The following SLC5A9 variants were observed in gnomAD, a reference collection of about 807,000 sequenced individuals.
SLC5A9 encodes sodium/glucose cotransporter 4.
A neutral mutation model predicts 70.9 loss-of-function variants in SLC5A9; 59 were observed. The ratio of observed to expected loss-of-function variants is 0.83; its 90% CI spans 0.68 to 1.03. SLC5A9 has a LOEUF of 1.03. Ranked by LOEUF, SLC5A9 falls within the 50% of genes least tolerant of loss-of-function variation. The probability of loss-of-function intolerance (pLI) is 0.00; values close to 1 mark genes in which losing one functional copy is unlikely to be tolerated. For synonymous variants in SLC5A9, 340 were observed against 346.5 expected (o/e 0.98, Z 0.21); for missense variants, 832 against 881.1 (o/e 0.94, Z 0.71).
chr1:48,245,697 C>A (rs994913407), intron 13 of SLC5A9, among the ~76,000 whole-genome samples: 2 of 152,232 alleles, frequency 1.3e-5, no homozygotes, highest in African/African-American at 4.8e-5. Flanking sequence ...CACAGTGGCT[C>A]ACACCTGTCA....
intron 1 of SLC5A9, among the ~76,000 whole-genome samples, chr1:48,223,495 C>G (rs1023038334): frequency 6.6e-6 from 1 of 152,152 alleles, no homozygotes; most frequent in Non-Finnish European, 1.5e-5. Flanking sequence ...GGCCTATCAG[C>G]TTTCTCAGGT....
Position 48,224,788 on chromosome 1 carries a change from G to T in SLC5A9, c.227G>T (p.Trp76Leu). ...TTCCTGGCCGGGAGGTCCATGAGCT[G>T]GTGGCCAGTGAGTTGACCCTTCTCA... The part of the protein sequence containing the change: ...GYFLAGRSMS[W>L]WPIGASLMSS... The change falls in exon 2 of 14, where the codon TGG (tryptophan) becomes TTG (leucine). Residue 76 changes from tryptophan to leucine, a missense_variant. By Grantham distance (61) the Trp-to-Leu change is moderately conservative. Coordinates refer to ENST00000438567, the MANE Select transcript of SLC5A9 (RefSeq NM_001011547.3). 1 of 1,614,042 alleles carries T rather than the reference G, an allele frequency of 6.2e-7. No homozygotes were observed. The highest frequency in any genetic ancestry group is 8.5e-7 in the Non-Finnish European group (1 of 1,179,980).
At chr1:48,229,202 C>A (rs1644209696) in intron 3 of SLC5A9, 93 bp from the exon 4 acceptor site, 1 of 1,614,120 alleles carries the variant, frequency 6.2e-7, no homozygotes, top group Admixed American at 1.7e-5. Flanking sequence ...TGTTCGGGGG[C>A]CTCCCACAGC....
At chr1:48,231,462 C>G in intron 5 of SLC5A9, 83 bp from the exon 6 acceptor site, 1 of 1,543,760 alleles carries the variant, frequency 6.5e-7, no homozygotes, top group Non-Finnish European at 8.8e-7. Flanking sequence ...TCTGGTCTCC[C>G]CAGTGTGGCC....
chr1:48,229,515 T>C (rs1421623977), intron 4 of SLC5A9, 56 bp downstream of exon 4: 5 of 1,598,906 alleles, frequency 3.1e-6, no homozygotes, highest in Non-Finnish European at 4.3e-6. Context: ...AGGGAACTGC[T>C]GAGTGCATCA....
At position 48,230,608 on chromosome 1, in the gene SLC5A9, C is replaced by T; in HGVS notation, c.513C>T (p.Ile171=). 6.2e-6 allele frequency: 10 copies of T among 1,613,880 alleles called. No individual in the cohort carries two copies. The highest frequency in any genetic ancestry group is 8.5e-6 in the Non-Finnish European group (10 of 1,179,848). The change falls in exon 5 of 14, where the codon ATC becomes ATT. Residue 171 remains isoleucine (I), a synonymous_variant. Transcript: ENST00000438567. Reference sequence around the variant, plus strand: ...GTCCTGGCTCTCTGCAGACTGACATCTTCTCTGGAGCCCTCTTCATCCAGA... The same window carrying T: ...GTCCTGGCTCTCTGCAGACTGACATTTTCTCTGGAGCCCTCTTCATCCAGA... ...LYIFTKISTD[I]FSGALFIQMA...
At position 48,228,880 on chromosome 1, in the gene SLC5A9, G is replaced by A; in HGVS notation, c.265G>A (p.Gly89Ser). The change falls in exon 3 of 14, where the codon GGC becomes AGC. Residue 89 changes from glycine to serine, a missense_variant. Gly to Ser is a moderately conservative substitution (Grantham distance 56, BLOSUM62 0). Transcript: ENST00000438567. Reference protein sequence around the residue: ...IGASLMSSNVGSGLFIGLAGT... With the variant: ...IGASLMSSNVSSGLFIGLAGT... ...AGCATCTCTGATGTCCAGCAATGTG[G>A]GCAGTGGCTTGTTCATCGGCCTGGC... The A allele has an allele frequency of 5.0e-6, 8 of 1,613,858 alleles. No homozygotes were observed. Among genetic ancestry groups the A allele is most frequent in the Non-Finnish European group, 5.9e-6 (7 of 1,179,964 alleles).
intron 8 of SLC5A9, among the ~76,000 whole-genome samples, chr1:48,233,360 C>CAAA (rs1157245912): frequency 6.8e-5 from 4 of 58,718 alleles, no homozygotes; most frequent in African/African-American, 2.2e-4. Flanking sequence ...GACTCCATCT[C>CAAA]AAAAAAAAAA....
chr1:48,247,363 C>T lies in SLC5A9; in HGVS notation c.1866C>T (p.Leu622=), dbSNP rs1347266751. The change falls in exon 14 of 14, where the codon CTC becomes CTT. Residue 622 remains leucine, a synonymous_variant. Transcript: ENST00000438567. ...CAAGCAGGTCCTGGGGAAAGTTGCT[C>T]TGGAGCTGGTTCTGTGGGCTCTCTG... ...EAPSRSWGKL[L]WSWFCGLSGT... The T allele has an allele frequency of 1.9e-6, 3 of 1,613,984 alleles. No individual in the cohort carries two copies. Among genetic ancestry groups the T allele is most frequent in the Non-Finnish European group, 2.5e-6 (3 of 1,180,016 alleles).
chr1:48,240,880 C>A lies in SLC5A9; in HGVS notation c.1677+1343C>A, dbSNP rs182492737. ...TGTCCCCAACATTCTGCTGAAATCG[C>A]TCTCACTGAAGTCACTGATAACATC... On this transcript the variant is annotated intron_variant, in intron 12 of 13. Transcript: ENST00000438567. 1.4e-3 allele frequency among the ~76,000 whole-genome samples: 211 copies of A among 152,328 alleles called. 3 individuals are homozygous for A. The highest frequency in any genetic ancestry group is 0.011 in the Admixed American group (174 of 15,300).
chr1:48,222,993 G>A, intron 1 of SLC5A9, 95 bp downstream of exon 1: 2 of 1,322,504 alleles, frequency 1.5e-6, no homozygotes, highest in South Asian at 1.3e-5. Context: ...TAGGCAGAAA[G>A]AAGCAGATCA....
At position 48,242,521 on chromosome 1, in the gene SLC5A9, A is replaced by AGAGCACACC; in HGVS notation, c.1744_1752dup (p.Ser582_Pro584dup). The stretch of plus-strand genomic sequence containing the variant: ...TCTGAGCTGGAGAAGGAGGCCCACG[A>AGAGCACACC]GAGCACACCGGAGATATCCGAGAGG... On this transcript the variant is annotated inframe_insertion, in exon 13 of 14. Coordinates refer to ENST00000438567, the MANE Select transcript of SLC5A9 (RefSeq NM_001011547.3). 1 of 1,613,794 alleles carries AGAGCACACC rather than the reference A, an allele frequency of 6.2e-7. No homozygotes were observed. Among genetic ancestry groups the AGAGCACACC allele is most frequent in the Non-Finnish European group, 8.5e-7 (1 of 1,179,746 alleles).
At chr1:48,242,070 C>G (rs1644397402) in intron 12 of SLC5A9, 2 of 461,464 alleles carry the variant, frequency 4.3e-6, no homozygotes, top group Non-Finnish European at 8.7e-6. Context: ...TGCAGTGACT[C>G]TCCATTGCCT....
At chr1:48,243,147 AAACCCC>A (rs1394455189) in intron 13 of SLC5A9, among the ~76,000 whole-genome samples, 1 of 152,054 alleles carries the variant, frequency 6.6e-6, no homozygotes, top group African/African-American at 2.4e-5. Flanking sequence ...CATGACAAAG[AAACCCC>A]TTACCCATGT....
chr1:48,228,825 C>A (rs1644201568), intron 2 of SLC5A9, 25 bp from the exon 3 acceptor site: 2 of 1,613,118 alleles, frequency 1.2e-6, no homozygotes, highest in Non-Finnish European at 8.5e-7. Flanking sequence ...TGACTCCTGA[C>A]CCTTGACCCA....
intron 13 of SLC5A9, among the ~76,000 whole-genome samples, chr1:48,244,819 T>A (rs1321492448): frequency 1.3e-4 from 15 of 118,684 alleles, no homozygotes; most frequent in African/African-American, 3.9e-4. Context: ...TAAATTATAT[T>A]TATATTATAT....
intron 8 of SLC5A9, among the ~76,000 whole-genome samples, chr1:48,233,379 AAAAAAAAG>A (rs1177112800): frequency 2.7e-5 from 4 of 150,290 alleles, no homozygotes; most frequent in Non-Finnish European, 2.9e-5. Context: ...AAAAAAAAAA[AAAAAAAAG>A]ATAGAAAAGA....
intron 10 of SLC5A9, 147 bp downstream of exon 10, chr1:48,236,026 G>GT: frequency 1.1e-6 from 1 of 885,584 alleles, no homozygotes; most frequent in East Asian, 2.6e-5. Flanking sequence ...ATGATTTCAA[G>GT]TAAGTCCTTC....
Position 48,224,709 on chromosome 1 carries a change from C to G in SLC5A9, c.163-15C>G. The G allele has an allele frequency of 6.2e-7, 1 of 1,613,772 alleles. No individual in the cohort carries two copies. ...GAGTCTTGAGAAATCCTCATCTCAT[C>G]TATTTCCTTTCCAGTCGTCCATCCG... On this transcript the variant is annotated splice_polypyrimidine_tract_variant and intron_variant, in intron 1 of 13. Coordinates refer to ENST00000438567, the MANE Select transcript of SLC5A9 (RefSeq NM_001011547.3).
Sources: gnomAD v4.1 joint callset for allele counts (sites outside exome capture counted in the v4.1 genomes callset) on GRCh38, gnomAD v4.1.1 for gene constraint, MANE v1.5 for transcripts, NCBI Gene and HGNC (gene_info 2026-07-23, HGNC 2026-07-21) for gene names.